Variants in MDH1B observed in about 807,000 individuals in gnomAD.
The protein encoded by MDH1B is putative malate dehydrogenase 1B.
Under a neutral mutation model 61.4 loss-of-function variants are expected in MDH1B, and 60 were observed. The observed-to-expected ratio is 0.98, with a 90% CI of 0.79 to 1.21. The LOEUF is 1.21. Among genes scored for constraint, MDH1B ranks in the 50% most tolerant of loss-of-function variants. The pLI is 0.00. For synonymous variants in MDH1B, 236 were observed against 218.7 expected (o/e 1.08, Z -0.70); for missense variants, 587 against 632.1 (o/e 0.93, Z 0.76).
intron 7 of MDH1B, among the ~76,000 whole-genome samples, chr2:206,747,019 A>G (rs556095486): frequency 6.6e-6 from 1 of 152,196 alleles, no homozygotes; most frequent in African/African-American, 2.4e-5. Flanking sequence ...TTATATTTGG[A>G]TGTGCTCTAA....
chr2:206,746,269 C>A lies in MDH1B; in HGVS notation c.1356+18G>T. Reference sequence around the variant, plus strand: ...GTCATTATCAAGGTCAGTCCCCTTGCATCTATTCTGACATTACCTGAATTA... The same window carrying A: ...GTCATTATCAAGGTCAGTCCCCTTGAATCTATTCTGACATTACCTGAATTA... On this transcript the variant is annotated intron_variant, in intron 8 of 11. Transcript: ENST00000374412. 6.2e-7 allele frequency: 1 copy of A among 1,606,666 alleles called. No homozygotes were observed. The highest frequency in any genetic ancestry group is 8.5e-7 in the Non-Finnish European group (1 of 1,176,540).
chr2:206,762,931 C>A (rs1379742627), intron 1 of MDH1B, among the ~76,000 whole-genome samples: 1 of 152,164 alleles, frequency 6.6e-6, no homozygotes. Flanking sequence ...TTTATCAACC[C>A]ATTAAAAGGT....
chr2:206,744,827 A>C (rs1298558740), intron 9 of MDH1B, among the ~76,000 whole-genome samples: 2 of 152,116 alleles, frequency 1.3e-5, no homozygotes, highest in Non-Finnish European at 2.9e-5. Flanking sequence ...CAGGAGGCTG[A>C]GACAGGAGAA....
rs1688291427 is a variant in MDH1B at position 206,749,133 on chromosome 2, G to T, written c.1103C>A (p.Thr368Lys). ...FVAILKNLTT[T>K]GRQFGGILAA... ...CAAAATGCCTCCAAATTGTCTTCCT[G>T]TGGTGGTCAAGTTTTTAAGAATTGC... Residue 368 changes from threonine (T) to lysine (K), a missense_variant, in exon 7 of 12, where the codon ACA (threonine) becomes AAA (lysine). Coordinates refer to ENST00000374412, the MANE Select transcript of MDH1B (RefSeq NM_001039845.3). The T allele has an allele frequency of 6.2e-7, 1 of 1,614,098 alleles. No individual in the cohort carries two copies. The highest frequency in any genetic ancestry group is 1.1e-5 in the South Asian group (1 of 91,080).
rs867465787 is a variant in MDH1B, at chr2:206,745,666, A to C, written c.1364T>G (p.Leu455Arg). The change falls in exon 9 of 12, where the codon CTT becomes CGT. Residue 455 changes from leucine to arginine, a missense_variant. Coordinates refer to ENST00000374412, the MANE Select transcript of MDH1B (RefSeq NM_001039845.3). ...RMTSDLIQEK[L>R]VALGDKIHFQ... ...ATGTATCTTGTCTCCAAGTGCAACAAGTTTCTCCTGTTGAAATTTTATAAT... is the reference window on the plus strand; with the variant it reads ...ATGTATCTTGTCTCCAAGTGCAACACGTTTCTCCTGTTGAAATTTTATAAT... 6.2e-7 allele frequency: 1 copy of C among 1,610,440 alleles called. No homozygotes were observed. Among genetic ancestry groups the C allele is most frequent in the Middle Eastern group, 1.7e-4 (1 of 6,050 alleles).
chr2:206,765,307 C>T lies in MDH1B; in HGVS notation c.-36G>A. On this transcript the variant is annotated 5_prime_UTR_variant, in exon 1 of 12. Transcript: ENST00000374412. ...GACTCAGAGGCAGGGACCGCGGCTT[C>T]GCGGTTTCCTGGCAACCACGCAGCC... 6.3e-7 allele frequency: 1 copy of T among 1,577,024 alleles called. No homozygotes were observed. The highest frequency in any genetic ancestry group is 2.3e-5 in the East Asian group (1 of 42,760).
At chr2:206,747,060 T>G (rs892906701) in intron 7 of MDH1B, among the ~76,000 whole-genome samples, 17 of 152,116 alleles carry the variant, frequency 1.1e-4, no homozygotes, top group African/African-American at 3.9e-4. Context: ...TATTACTAAC[T>G]GAGCACCATT....
chr2:206,756,905 T>C lies in MDH1B; in HGVS notation c.406A>G (p.Ile136Val), dbSNP rs750445185. Residue 136 changes from isoleucine to valine, a missense_variant, in exon 4 of 12, where the codon ATC becomes GTC. Transcript: ENST00000374412. The part of the protein sequence containing the change: ...KTCINPLQVW[I>V]TSASAPACYN... Reference sequence around the variant, plus strand: ...GGGATTTGACTGTCCCACCTGGTGATCCAGACCTGCAAGGGGTTGATGCAA... The same window carrying C: ...GGGATTTGACTGTCCCACCTGGTGACCCAGACCTGCAAGGGGTTGATGCAA... The C allele has an allele frequency of 3.7e-6, 6 of 1,614,058 alleles. No individual in the cohort carries two copies. Among genetic ancestry groups the C allele is most frequent in the Non-Finnish European group, 5.1e-6 (6 of 1,180,032 alleles).
At chr2:206,759,212 C>A (rs974947653) in intron 2 of MDH1B, among the ~76,000 whole-genome samples, 7 of 152,096 alleles carry the variant, frequency 4.6e-5, no homozygotes, top group Non-Finnish European at 8.8e-5. Context: ...TTAGCCCCCA[C>A]TTCTAAGTGA....
At chr2:206,762,599 C>T (rs1203511689) in intron 1 of MDH1B, among the ~76,000 whole-genome samples, 1 of 152,234 alleles carries the variant, frequency 6.6e-6, no homozygotes, top group Non-Finnish European at 1.5e-5. Flanking sequence ...TCATCTCCCC[C>T]TCTAGCTATT....
At chr2:206,756,518 A>G in intron 4 of MDH1B, 1 of 178,120 alleles carries the variant, frequency 5.6e-6, no homozygotes, top group Non-Finnish European at 1.2e-5. Context: ...AAGGGGAGCA[A>G]GGCGAGGGGA....
rs143034331 is a variant in MDH1B at position 206,749,158 on chromosome 2, C to A, written c.1078G>T (p.Ala360Ser). 111 of 1,613,810 alleles carry A rather than the reference C, an allele frequency of 6.9e-5. No individual in the cohort carries two copies. The highest frequency in any genetic ancestry group is 9.1e-5 in the Non-Finnish European group (107 of 1,179,948). The change falls in exon 7 of 12, where the codon GCA (alanine) becomes TCA (serine). Residue 360 changes from alanine to serine, a missense_variant. Ala to Ser is a moderately conservative substitution (Grantham distance 99). Transcript: ENST00000374412. ...GTGGTGGTCAAGTTTTTAAGAATTGCCACAAATTCTCTTTTTACCCACTCA... is the reference window on the plus strand; with the variant it reads ...GTGGTGGTCAAGTTTTTAAGAATTGACACAAATTCTCTTTTTACCCACTCA... ...DSEWVKREFV[A>S]ILKNLTTTGR...
chr2:206,746,317 T>TA lies in MDH1B; in HGVS notation c.1325dup (p.Met443AsnfsTer7). ...TTAGATCACTTGTCATTCGGGTCAT[T>TA]ATTTGTTCACTTATTTCAACATCTT... On this transcript the variant is annotated frameshift_variant, in exon 8 of 12. Transcript: ENST00000374412. LOFTEE classifies it high-confidence loss of function. 1 of 1,613,890 alleles carries TA rather than the reference T, an allele frequency of 6.2e-7. No individual in the cohort carries two copies. Among genetic ancestry groups the TA allele is most frequent in the Non-Finnish European group, 8.5e-7 (1 of 1,179,910 alleles).
intron 11 of MDH1B, 54 bp downstream of exon 11, chr2:206,739,539 C>T: frequency 6.8e-7 from 1 of 1,480,930 alleles, no homozygotes; most frequent in Non-Finnish European, 9.4e-7. Flanking sequence ...CTCTATTACC[C>T]AGTTCCACTT....
At chr2:206,745,208 C>T (rs1407464081) in intron 9 of MDH1B, among the ~76,000 whole-genome samples, 1 of 152,080 alleles carries the variant, frequency 6.6e-6, no homozygotes, top group Non-Finnish European at 1.5e-5. Context: ...AGCAGTGCAA[C>T]CCAAAGCTAG....
At chr2:206,751,844 T>C (rs749193585) in intron 5 of MDH1B, among the ~76,000 whole-genome samples, 66 of 152,362 alleles carry the variant, frequency 4.3e-4, no homozygotes, top group Middle Eastern at 6.8e-3. Context: ...ATGAAAACTT[T>C]AAATAAATAA....
chr2:206,761,830 A>C (rs1329081996), intron 1 of MDH1B, among the ~76,000 whole-genome samples: 2 of 152,126 alleles, frequency 1.3e-5, no homozygotes, highest in Non-Finnish European at 1.5e-5. Flanking sequence ...TTAACTCCTA[A>C]GTTACCAACC....
Position 206,762,964 on chromosome 2 carries a change from C to T in MDH1B, c.23-1951G>A, listed in dbSNP as rs952241. ...GGTATCATTCTGAGAAGCATCTTGT[C>T]TTTATAACTTACATATTCTTTTTGG... On this transcript the variant is annotated intron_variant, in intron 1 of 11. Transcript: ENST00000374412. Among the ~76,000 whole-genome samples the T allele has an allele frequency of 4.8e-3, 723 of 152,182 alleles. 4 individuals are homozygous for T. The highest frequency in any genetic ancestry group is 0.017 in the African/African-American group (703 of 41,524).
intron 9 of MDH1B, 173 bp from the exon 10 acceptor site, chr2:206,741,277 CA>C (rs755524281): frequency 1.4e-5 from 11 of 785,656 alleles, no homozygotes; most frequent in East Asian, 8.2e-5. Context: ...ATTAATGAAA[CA>C]AAAAAATACA....
Sources: gnomAD v4.1 joint callset for allele counts (sites outside exome capture counted in the v4.1 genomes callset) on GRCh38, gnomAD v4.1.1 for gene constraint, MANE v1.5 for transcripts, NCBI Gene and HGNC (gene_info 2026-07-23, HGNC 2026-07-21) for gene names.